The following PCDH15 variants were observed in gnomAD, a reference collection of about 807,000 sequenced individuals.
PCDH15 encodes the protein protocadherin-15.
PCDH15 carries 129 observed loss-of-function variants against 178.5 expected under a neutral mutation model. The ratio of observed to expected loss-of-function variants is 0.72; its 90% confidence interval spans 0.63 to 0.84. The LOEUF is 0.84. Ranked by LOEUF, PCDH15 falls within the 40% of genes least tolerant of loss-of-function variation. The pLI, the probability that PCDH15 is intolerant of heterozygous loss-of-function variation, is 0.00. For missense variants in PCDH15, 2,230 were observed against 2,099.9 expected (o/e 1.06, Z -1.21); for synonymous variants, 800 against 732.0 (o/e 1.09, Z -1.50).
chr10:55,273,516 G>C (rs571035832), intron 1 of PCDH15, among the ~76,000 whole-genome samples: 2 of 152,092 alleles, frequency 1.3e-5, no homozygotes, highest in African/African-American at 4.8e-5. Flanking sequence ...AACTAGAAGG[G>C]TGTATGTGGT....
At chr10:54,485,102 GA>G (rs1298729619) in intron 3 of PCDH15, among the ~76,000 whole-genome samples, 1 of 151,722 alleles carries the variant, frequency 6.6e-6, no homozygotes, top group African/African-American at 2.4e-5. Flanking sequence ...CACAATATGA[GA>G]ACACTTATTT....
At chr10:54,506,688 A>G (rs2081196100) in intron 3 of PCDH15, among the ~76,000 whole-genome samples, 1 of 152,056 alleles carries the variant, frequency 6.6e-6, no homozygotes. Flanking sequence ...GCCTACAAAA[A>G]CTGGACTGAA....
intron 1 of PCDH15, among the ~76,000 whole-genome samples, chr10:55,207,233 A>G (rs1163001032): frequency 6.6e-6 from 1 of 152,104 alleles, no homozygotes; most frequent in Non-Finnish European, 1.5e-5. Flanking sequence ...AATAAGACAT[A>G]TATATTCCAT....
At chr10:54,032,736 T>C (rs1001385853) in intron 18 of PCDH15, among the ~76,000 whole-genome samples, 8 of 152,068 alleles carry the variant, frequency 5.3e-5, no homozygotes, top group South Asian at 4.1e-4. Context: ...TTTGTCACTA[T>C]ATTAGTCAGT....
intron 1 of PCDH15, among the ~76,000 whole-genome samples, chr10:55,213,517 G>A (rs980315071): frequency 1.3e-5 from 2 of 151,736 alleles, no homozygotes; most frequent in Non-Finnish European, 2.9e-5. Context: ...TGTTAACTTT[G>A]AGTTCATTTT....
At chr10:55,108,471 A>T (rs1166726326) in intron 2 of PCDH15, among the ~76,000 whole-genome samples, 2 of 152,214 alleles carry the variant, frequency 1.3e-5, no homozygotes, top group Non-Finnish European at 2.9e-5. Context: ...TAAATATGCA[A>T]AGTTGCAGCT....
intron 11 of PCDH15, among the ~76,000 whole-genome samples, chr10:54,191,632 T>C (rs924092733): frequency 1.3e-5 from 2 of 151,676 alleles, no homozygotes; most frequent in African/African-American, 4.8e-5. Context: ...CAAATAGAAA[T>C]GTGGGCCAGA....
At chr10:55,531,208 G>C (rs1841447339) in intron 2 of PCDH15, among the ~76,000 whole-genome samples, 2 of 151,874 alleles carry the variant, frequency 1.3e-5, no homozygotes. Context: ...ACTTTCAATA[G>C]GTTAATTTGG....
chr10:54,878,421 G>A (rs1477547602), intron 3 of PCDH15, among the ~76,000 whole-genome samples: 1 of 152,154 alleles, frequency 6.6e-6, no homozygotes, highest in Non-Finnish European at 1.5e-5. Flanking sequence ...TCCACAAGAA[G>A]ACAGCCAGAG....
intron 3 of PCDH15, among the ~76,000 whole-genome samples, chr10:54,823,293 A>T (rs1178318155): frequency 6.6e-6 from 1 of 152,106 alleles, no homozygotes; most frequent in Non-Finnish European, 1.5e-5. Flanking sequence ...ATGGTCTTAC[A>T]TGGCACTGCA....
At chr10:54,278,811 C>T (rs796640029) in intron 8 of PCDH15, among the ~76,000 whole-genome samples, 7 of 151,554 alleles carry the variant, frequency 4.6e-5, no homozygotes, top group African/African-American at 1.2e-4. Flanking sequence ...ATCTGCGTAC[C>T]TTTTATCAGG....
chr10:53,995,919 C>T (rs1452705932), intron 20 of PCDH15, among the ~76,000 whole-genome samples, 154 bp from the exon 21 acceptor site: 1 of 152,056 alleles, frequency 6.6e-6, no homozygotes, highest in Non-Finnish European at 1.5e-5. Context: ...AGACTGGCAC[C>T]TCAGAGGAAA....
chr10:55,490,528 G>A (rs1042530784), intron 2 of PCDH15, among the ~76,000 whole-genome samples: 3 of 151,742 alleles, frequency 2.0e-5, no homozygotes, highest in Admixed American at 6.6e-5. Flanking sequence ...GAATATATGC[G>A]GATTGTCCTA....
intron 2 of PCDH15, among the ~76,000 whole-genome samples, chr10:55,577,301 A>G (rs1400286235): frequency 6.6e-6 from 1 of 152,124 alleles, no homozygotes; most frequent in African/African-American, 2.4e-5. Flanking sequence ...AACTTGGCCA[A>G]AATTTATTTT....
At chr10:53,980,894 TA>T (rs1164514390) in intron 21 of PCDH15, among the ~76,000 whole-genome samples, 1 of 152,216 alleles carries the variant, frequency 6.6e-6, no homozygotes, top group African/African-American at 2.4e-5. Flanking sequence ...GGTATCTTTC[TA>T]AATATGATTG....
intron 2 of PCDH15, among the ~76,000 whole-genome samples, chr10:54,560,826 A>G (rs1303112087): frequency 1.3e-5 from 2 of 152,188 alleles, no homozygotes; most frequent in Middle Eastern, 3.4e-3. Context: ...TATTTCCGAA[A>G]CAAGAAAGGG....
intron 3 of PCDH15, among the ~76,000 whole-genome samples, chr10:54,405,830 C>A: frequency 6.7e-6 from 1 of 149,304 alleles, no homozygotes. Context: ...TACATGAAGG[C>A]TAGAAGTTGA....
chr10:54,290,176 A>T (rs1195562418), intron 8 of PCDH15, among the ~76,000 whole-genome samples: 1 of 152,236 alleles, frequency 6.6e-6, no homozygotes, highest in Admixed American at 6.5e-5. Context: ...AGGGAAGCCA[A>T]TCAGACTAAC....
chr10:54,961,974 G>A (rs1838668287), intron 2 of PCDH15, among the ~76,000 whole-genome samples: 2 of 152,218 alleles, frequency 1.3e-5, no homozygotes, highest in African/African-American at 4.8e-5. Flanking sequence ...CCTACAGATA[G>A]GAGCAACCTA....
Sources: allele counts gnomAD v4.1 joint callset (sites outside exome capture counted in the v4.1 genomes callset), GRCh38; gene constraint gnomAD v4.1.1; transcripts MANE v1.5; gene names NCBI Gene and HGNC (gene_info 2026-07-23, HGNC 2026-07-21).